PDE1C: variants seen among roughly 807,000 people sequenced by gnomAD.
The protein encoded by PDE1C is dual specificity calcium/calmodulin-dependent 3',5'-cyclic nucleotide phosphodiesterase 1C.
A neutral mutation model predicts 93.1 loss-of-function variants in PDE1C; 62 were observed. The ratio of observed to expected loss-of-function variants is 0.67; its 90% CI spans 0.54 to 0.82. The LOEUF is 0.82. Ranked by LOEUF, PDE1C falls within the 40% of genes least tolerant of loss-of-function variation. The probability of loss-of-function intolerance (pLI) is 0.00; values close to 1 mark genes in which losing one functional copy is unlikely to be tolerated. For missense variants in PDE1C, 742 were observed against 884.6 expected, an observed-to-expected ratio of 0.84 and a Z score of 2.04; for synonymous variants, 325 against 310.1, an observed-to-expected ratio of 1.05 and a Z score of -0.50.
the PDE1C span, among the ~76,000 whole-genome samples, chr7:31,637,101 G>A: frequency 6.6e-5 from 10 of 151,990 alleles, no homozygotes; most frequent in African/African-American, 2.4e-4. Context: ...ATTCCATGGT[G>A]TATATGTGCC....
chr7:31,644,477 T>A, the PDE1C span, among the ~76,000 whole-genome samples: 4 of 152,186 alleles, frequency 2.6e-5, no homozygotes, highest in Non-Finnish European at 5.9e-5. Flanking sequence ...ATTGTGTGGG[T>A]GTGTTACTCT....
chr7:31,816,118 C>A lies in PDE1C; in HGVS notation c.1619G>T (p.Arg540Leu), dbSNP rs754747288. ...CTTTTGCTGCTCCTCTGCGGCCAGGCGAGCCTTTTCCTCTGCTTCCTTCTT... is the reference window on the plus strand; with the variant it reads ...CTTTTGCTGCTCCTCTGCGGCCAGGAGAGCCTTTTCCTCTGCTTCCTTCTT... The part of the protein sequence containing the change: ...KAKKEAEEKA[R>L]LAAEEQQKEM... The change falls in exon 15 of 18, where the codon CGC becomes CTC. Residue 540 changes from arginine to leucine, a missense_variant. This residue lies in a region of PDE1C where 454 missense variants were observed against 459.4 expected (regional missense o/e 0.99). Coordinates refer to ENST00000396191, the MANE Select transcript of PDE1C (RefSeq NM_001191057.4). 4.3e-6 allele frequency: 7 copies of A among 1,613,802 alleles called. No homozygotes were observed. The highest frequency in any genetic ancestry group is 2.2e-5 in the South Asian group (2 of 91,080).
At chr7:31,782,415 A>C (rs2128640171) in intron 16 of PDE1C, among the ~76,000 whole-genome samples, 1 of 152,370 alleles carries the variant, frequency 6.6e-6, no homozygotes, top group East Asian at 1.9e-4. Flanking sequence ...GATACTTTCC[A>C]AATTGAGTAA....
At chr7:31,856,571 G>T (rs931431179) in intron 7 of PDE1C, among the ~76,000 whole-genome samples, 2 of 152,086 alleles carry the variant, frequency 1.3e-5, no homozygotes, top group African/African-American at 2.4e-5. Flanking sequence ...CTGCACAATA[G>T]GTGTGTTGAA....
At chr7:32,337,459 A>C (rs1783650064) in intron 1 of PDE1C, among the ~76,000 whole-genome samples, 1 of 152,224 alleles carries the variant, frequency 6.6e-6, no homozygotes, top group Non-Finnish European at 1.5e-5. Flanking sequence ...TTATATTAAA[A>C]AGGTATTTAC....
intron 14 of PDE1C, among the ~76,000 whole-genome samples, chr7:31,822,723 A>G (rs1041929328): frequency 1.3e-5 from 2 of 152,184 alleles, no homozygotes; most frequent in Non-Finnish European, 2.9e-5. Context: ...CTTAGGTAAA[A>G]GAAGAAATAA....
intron 1 of PDE1C, among the ~76,000 whole-genome samples, chr7:32,366,617 A>T (rs1211781801): frequency 6.6e-6 from 1 of 152,172 alleles, no homozygotes; most frequent in African/African-American, 2.4e-5. Flanking sequence ...TCTGAGTGAT[A>T]TGGTGCTCCA....
rs70989634 is a variant in PDE1C, at chr7:32,096,820, AAGATAGAT to A, written c.308+72957_308+72964del. Among the ~76,000 whole-genome samples, 87 of 144,590 alleles carry A rather than the reference AAGATAGAT, an allele frequency of 6.0e-4. 1 individual carries two copies. The East Asian group carries it at 6.4e-3, about 11-fold the overall frequency. 94.9% of individuals were successfully genotyped at this position (144,590 alleles called of 152,430 possible). A position where few individuals can be genotyped will look rare whatever the true frequency, so the allele number is the denominator to read the frequency against. On this transcript the variant is annotated intron_variant, in intron 3 of 18. Coordinates refer to the PDE1C transcript ENST00000396193. ...AGAATCAGAACCAGTAGGGGATAGA[AAGATAGAT>A]AGATAGATAGATAGATAGATAGATA...
At chr7:32,034,913 G>A (rs1179497007) in intron 2 of PDE1C, among the ~76,000 whole-genome samples, 1 of 152,100 alleles carries the variant, frequency 6.6e-6, no homozygotes, top group Non-Finnish European at 1.5e-5. Context: ...TTAAATAAGT[G>A]TGTAAAGCAT....
At chr7:32,084,221 A>C (rs1246092480) in intron 3 of PDE1C, among the ~76,000 whole-genome samples, 1 of 152,080 alleles carries the variant, frequency 6.6e-6, no homozygotes, top group Non-Finnish European at 1.5e-5. Context: ...GATAAAACAG[A>C]CTTTAAACCA....
At chr7:31,634,454 C>A in the PDE1C span, among the ~76,000 whole-genome samples, 1 of 152,148 alleles carries the variant, frequency 6.6e-6, no homozygotes, top group South Asian at 2.1e-4. Context: ...CATAGTATTA[C>A]CATATTCATT....
intron 2 of PDE1C, among the ~76,000 whole-genome samples, chr7:32,207,302 G>T (rs1437072625): frequency 6.6e-6 from 1 of 150,430 alleles, no homozygotes; most frequent in Non-Finnish European, 1.5e-5. Flanking sequence ...TGTCAAGGCT[G>T]TCTTGTTGGA....
chr7:32,338,277 A>C (rs1488678772), intron 1 of PDE1C, among the ~76,000 whole-genome samples: 1 of 152,222 alleles, frequency 6.6e-6, no homozygotes, highest in Non-Finnish European at 1.5e-5. Flanking sequence ...ACAACAACAA[A>C]GAAAAACAAC....
intron 2 of PDE1C, among the ~76,000 whole-genome samples, chr7:31,949,148 C>G (rs1378558157): frequency 6.6e-6 from 1 of 152,048 alleles, no homozygotes; most frequent in Non-Finnish European, 1.5e-5. Context: ...AATATGTTAT[C>G]TAGTTGGGGC....
chr7:31,713,310 A>G, the PDE1C span, among the ~76,000 whole-genome samples: 1 of 152,224 alleles, frequency 6.6e-6, no homozygotes, highest in Non-Finnish European at 1.5e-5. Flanking sequence ...TGAAGCTCCA[A>G]AATAATCTCC....
chr7:31,898,020 T>TTGTGTG (rs140101637), intron 2 of PDE1C, among the ~76,000 whole-genome samples: 160 of 146,050 alleles, frequency 1.1e-3, no homozygotes, highest in Middle Eastern at 7.0e-3. Flanking sequence ...TTTGGTTTCT[T>TTGTGTG]TGTGTGTGTG....
intron 16 of PDE1C, 102 bp from the exon 17 acceptor site, chr7:31,775,834 C>T: frequency 9.9e-7 from 1 of 1,006,504 alleles, no homozygotes; most frequent in Non-Finnish European, 1.5e-6. Flanking sequence ...GGTCTGAAAA[C>T]AATGTTTAGA....
chr7:32,392,791 C>T (rs1361535673), intron 1 of PDE1C, among the ~76,000 whole-genome samples: 2 of 152,046 alleles, frequency 1.3e-5, no homozygotes, highest in African/African-American at 2.4e-5. Context: ...TGGCTCTTGC[C>T]TGTAATCCAA....
the PDE1C span, among the ~76,000 whole-genome samples, chr7:31,627,256 A>G: frequency 2.2e-3 from 330 of 152,350 alleles, no homozygotes; most frequent in African/African-American, 7.2e-3. Flanking sequence ...GACTACATCA[A>G]ATAATTTTAT....
Sources: allele counts gnomAD v4.1 joint callset (sites outside exome capture counted in the v4.1 genomes callset), GRCh38; gene constraint gnomAD v4.1.1; regional missense constraint gnomAD v4.1.1; transcripts MANE v1.5; gene names NCBI Gene and HGNC (gene_info 2026-07-23, HGNC 2026-07-21).